The following LURAP1L variants were observed in gnomAD, a reference collection of about 807,000 sequenced individuals.
LURAP1L encodes the protein leucine rich adaptor protein 1 like, also known as leucine rich adaptor protein 1-like.
In LURAP1L, 12 loss-of-function variants were observed where a neutral mutation model predicts 13.8. The ratio of observed to expected loss-of-function variants is 0.87; its 90% confidence interval spans 0.56 to 1.41. The LOEUF is 1.41. Among genes scored for constraint, LURAP1L ranks in the 40% most tolerant of loss-of-function variants. The pLI, the probability that LURAP1L is intolerant of heterozygous loss-of-function variation, is 0.00. For missense variants in LURAP1L, 375 were observed against 292.9 expected, an observed-to-expected ratio of 1.28 and a Z score of -2.04; for synonymous variants, 139 against 119.2, an observed-to-expected ratio of 1.17 and a Z score of -1.08.
chr9:12,794,943 T>G (rs566323676), intron 1 of LURAP1L, among the ~76,000 whole-genome samples: 27 of 152,118 alleles, frequency 1.8e-4, no homozygotes, highest in African/African-American at 5.5e-4. Flanking sequence ...GTAGGTAAAG[T>G]ATGAGGTTGC....
At chr9:12,786,547 C>CTATATATATATATATATAT (rs1554657226) in intron 1 of LURAP1L, among the ~76,000 whole-genome samples, 8 of 53,026 alleles carry the variant, frequency 1.5e-4, no homozygotes, top group Admixed American at 2.2e-4. Context: ...ATATATATGA[C>CTATATATATATATATATAT]ATATATATAT....
At chr9:12,779,363 C>T (rs972443408) in intron 1 of LURAP1L, among the ~76,000 whole-genome samples, 3 of 150,872 alleles carry the variant, frequency 2.0e-5, no homozygotes, top group Admixed American at 1.3e-4. Flanking sequence ...CAAGCTCCGC[C>T]TCCCAGGTTC....
chr9:12,796,721 G>A (rs1410254424), intron 1 of LURAP1L, among the ~76,000 whole-genome samples: 1 of 151,892 alleles, frequency 6.6e-6, no homozygotes, highest in South Asian at 2.1e-4. Flanking sequence ...CATAAATGCT[G>A]TATTTACTGA....
At chr9:12,786,547 C>CATCTATATATATAT (rs1819354213) in intron 1 of LURAP1L, among the ~76,000 whole-genome samples, 1 of 53,006 alleles carries the variant, frequency 1.9e-5, no homozygotes, top group African/African-American at 8.2e-5. Flanking sequence ...ATATATATGA[C>CATCTATATATATAT]ATATATATAT....
intron 1 of LURAP1L, among the ~76,000 whole-genome samples, chr9:12,778,026 A>G (rs1177450480): frequency 2.0e-5 from 3 of 152,146 alleles, no homozygotes; most frequent in African/African-American, 7.2e-5. Context: ...TTGAGACACA[A>G]TTTCTGAAAC....
intron 1 of LURAP1L, among the ~76,000 whole-genome samples, chr9:12,786,547 CATATATATATATATATA>C (rs1405609908): frequency 1.9e-5 from 1 of 53,006 alleles, no homozygotes; most frequent in Non-Finnish European, 3.3e-5. Flanking sequence ...ATATATATGA[CATATATATATATATATA>C]TATATATATA....
intron 1 of LURAP1L, among the ~76,000 whole-genome samples, chr9:12,784,760 T>A (rs1402499168): frequency 6.6e-6 from 1 of 151,136 alleles, no homozygotes; most frequent in Non-Finnish European, 1.5e-5. Context: ...ATTCTAAACT[T>A]GTATTTTTCC....
At chr9:12,801,493 G>T (rs1819585021) in intron 1 of LURAP1L, among the ~76,000 whole-genome samples, 1 of 152,022 alleles carries the variant, frequency 6.6e-6, no homozygotes, top group Non-Finnish European at 1.5e-5. Context: ...AGGGAAACAT[G>T]ATTCTCAAAC....
Position 12,775,614 on chromosome 9 carries a change from C to T in LURAP1L, c.-102C>T. Reference sequence around the variant, plus strand: ...ACCGGAGCGGCGGAGGATAGAGACCCTGGCCCCCGGAGAGGTCTGCTGATT... The same window carrying T: ...ACCGGAGCGGCGGAGGATAGAGACCTTGGCCCCCGGAGAGGTCTGCTGATT... On this transcript the variant is annotated 5_prime_UTR_variant, in exon 1 of 2. Transcript: ENST00000319264. 1 of 1,467,698 alleles carries T rather than the reference C, an allele frequency of 6.8e-7. No individual in the cohort carries two copies. Among genetic ancestry groups the T allele is most frequent in the Non-Finnish European group, 9.0e-7 (1 of 1,110,918 alleles). The allele number at this position is 1,467,698 out of a possible 1,614,324, so 90.9% of individuals were successfully genotyped here. A position where few individuals can be genotyped will look rare whatever the true frequency, so the allele number is the denominator to read the frequency against.
At chr9:12,776,120 G>T in intron 1 of LURAP1L, 93 bp downstream of exon 1, 1 of 1,308,034 alleles carries the variant, frequency 7.6e-7, no homozygotes, top group South Asian at 1.3e-5. Flanking sequence ...AGGACGGCAG[G>T]GGCTGCAGAG....
chr9:12,777,083 G>C (rs902588820), intron 1 of LURAP1L: 2 of 288,538 alleles, frequency 6.9e-6, no homozygotes, highest in Non-Finnish European at 1.0e-5. Flanking sequence ...CTTTTGATTT[G>C]CTTCAAAGTA....
rs567788672 is a variant in LURAP1L, at chr9:12,775,824, G to A, written c.109G>A (p.Glu37Lys). 6.2e-6 allele frequency: 10 copies of A among 1,605,284 alleles called. No individual in the cohort carries two copies. The East Asian group carries it at 1.8e-4, about 29-fold the overall frequency. ...CCGTGGGGAGGAGCCGGTTCCCAGGGAAAGGGACAGGGACCCCTGCGGGGG... is the reference window on the plus strand; with the variant it reads ...CCGTGGGGAGGAGCCGGTTCCCAGGAAAAGGGACAGGGACCCCTGCGGGGG... ...SLRGEEPVPR[E>K]RDRDPCGGSG... Residue 37 changes from glutamate (E) to lysine (K), a missense_variant, in exon 1 of 2, where the codon GAA (glutamate) becomes AAA (lysine). By Grantham distance (56) the Glu-to-Lys change is moderately conservative. Coordinates refer to ENST00000319264, the MANE Select transcript of LURAP1L (RefSeq NM_203403.2).
intron 1 of LURAP1L, chr9:12,777,175 T>G: frequency 1.1e-6 from 1 of 882,434 alleles, no homozygotes; most frequent in Non-Finnish European, 1.4e-6. Context: ...TAGAGTTCTA[T>G]CATTTAGTGA....
chr9:12,803,751 A>C (rs1281946902), intron 1 of LURAP1L, among the ~76,000 whole-genome samples: 1 of 152,206 alleles, frequency 6.6e-6, no homozygotes, highest in African/African-American at 2.4e-5. Flanking sequence ...CAAACACTTT[A>C]ATTGTTCAAA....
intron 1 of LURAP1L, among the ~76,000 whole-genome samples, chr9:12,787,140 C>G (rs1257046963): frequency 6.6e-6 from 1 of 152,068 alleles, no homozygotes; most frequent in Admixed American, 6.5e-5. Context: ...TCTTCACATT[C>G]CTCTTTCCAA....
chr9:12,819,044 G>C (rs1819839927), intron 1 of LURAP1L, among the ~76,000 whole-genome samples: 1 of 152,100 alleles, frequency 6.6e-6, no homozygotes, highest in Non-Finnish European at 1.5e-5. Context: ...GTGTGCGGAG[G>C]AATTTAAACA....
chr9:12,799,298 T>G (rs1314354728), intron 1 of LURAP1L, among the ~76,000 whole-genome samples: 1 of 152,208 alleles, frequency 6.6e-6, no homozygotes, highest in Non-Finnish European at 1.5e-5. Flanking sequence ...TAGGGTATAT[T>G]TTCACTGTGG....
At chr9:12,779,835 C>T (rs1819244957) in intron 1 of LURAP1L, among the ~76,000 whole-genome samples, 1 of 152,130 alleles carries the variant, frequency 6.6e-6, no homozygotes, top group Admixed American at 6.5e-5. Context: ...TTTTGTTTAC[C>T]ATAAGCCTTC....
intron 1 of LURAP1L, among the ~76,000 whole-genome samples, chr9:12,795,880 G>A (rs1017214379): frequency 1.3e-5 from 2 of 151,786 alleles, no homozygotes; most frequent in Non-Finnish European, 2.9e-5. Context: ...TGATTACTGA[G>A]GAATGAACAT....
Sources: allele counts gnomAD v4.1 joint callset (sites outside exome capture counted in the v4.1 genomes callset), GRCh38; gene constraint gnomAD v4.1.1; transcripts MANE v1.5; gene names NCBI Gene and HGNC (gene_info 2026-07-23, HGNC 2026-07-21).